SEMA3D: variants seen among roughly 807,000 people sequenced by gnomAD.
The protein encoded by SEMA3D is semaphorin 3D, also known as semaphorin-3D.
A neutral mutation model predicts 100.1 loss-of-function variants in SEMA3D; 84 were observed. The observed-to-expected ratio is 0.84, with a 90% confidence interval of 0.70 to 1.01. The LOEUF (loss-of-function observed/expected upper bound fraction) is 1.01, where lower values mean the gene tolerates loss of function less well. Among genes scored for constraint, SEMA3D ranks in the 50% least tolerant of loss-of-function variants. The pLI is 0.00. For missense variants in SEMA3D, 875 were observed against 934.1 expected, an observed-to-expected ratio of 0.94 and a Z score of 0.82; for synonymous variants, 312 against 320.7, an observed-to-expected ratio of 0.97 and a Z score of 0.29.
intron 4 of SEMA3D, among the ~76,000 whole-genome samples, chr7:85,087,527 T>G (rs1180064203): frequency 1.3e-5 from 2 of 152,230 alleles, no homozygotes; most frequent in East Asian, 3.8e-4. Context: ...GTATAGCTAG[T>G]AATTGAACAA....
At chr7:85,098,008 A>G (rs1788619126) in intron 3 of SEMA3D, 43 bp from the exon 4 acceptor site, 1 of 1,126,288 alleles carries the variant, frequency 8.9e-7, no homozygotes, top group African/African-American at 1.6e-5. Context: ...AAGAAAAAAG[A>G]AAGAAAGAAA....
chr7:85,065,478 T>A lies in SEMA3D; in HGVS notation c.664A>T (p.Thr222Ser). 6.2e-7 allele frequency: 1 copy of A among 1,612,956 alleles called. No individual in the cohort carries two copies. The highest frequency in any genetic ancestry group is 8.5e-7 in the Non-Finnish European group (1 of 1,179,204). ...GTTCTGATGTAGTGGTGGTCATGAG[T>A]AGGCCCAAGGGATCGAGTGAATGCA... is the stretch of plus-strand genomic sequence containing the variant. Reference protein sequence around the residue: ...DTAFTRSLGPTHDHHYIRTDI... With the variant: ...DTAFTRSLGPSHDHHYIRTDI... The change falls in exon 8 of 19, where the codon ACT becomes TCT. Residue 222 changes from threonine to serine, a missense_variant. Coordinates refer to ENST00000284136, the MANE Select transcript of SEMA3D (RefSeq NM_001384900.1).
intron 4 of SEMA3D, among the ~76,000 whole-genome samples, chr7:85,086,662 GTA>G (rs1788226263): frequency 1.3e-5 from 2 of 148,308 alleles, no homozygotes; most frequent in African/African-American, 2.6e-5. Flanking sequence ...GTGTGTGTGT[GTA>G]TAGATGCATG....
At chr7:85,137,887 TC>T (rs1789911812) in intron 2 of SEMA3D, among the ~76,000 whole-genome samples, 2 of 152,114 alleles carry the variant, frequency 1.3e-5, no homozygotes, top group South Asian at 4.1e-4. Flanking sequence ...TCCAACCTTA[TC>T]CAAAAAACAT....
At chr7:85,017,661 G>C (rs1036505403) in intron 15 of SEMA3D, among the ~76,000 whole-genome samples, 1 of 151,634 alleles carries the variant, frequency 6.6e-6, no homozygotes, top group African/African-American at 2.4e-5. Context: ...TCATATCAGA[G>C]AGTTATGAAA....
Position 84,999,453 on chromosome 7 carries a change from G to C in SEMA3D, c.2321C>G (p.Ala774Gly). The C allele has an allele frequency of 6.2e-7, 1 of 1,613,768 alleles. No homozygotes were observed. The highest frequency in any genetic ancestry group is 2.2e-5 in the East Asian group (1 of 44,854). The change falls in exon 19 of 19, where the codon GCT becomes GGT. Residue 774 changes from alanine to glycine, a missense_variant. By Grantham distance (60) the Ala-to-Gly change is moderately conservative. Transcript: ENST00000284136. ...TTAAGTAGAAAACTACGTGGCTACA[G>C]CTCTAGGGAGCTCATCCAGGTCTCT... ...HHRDLDELPR[A>G]VAT
intron 1 of SEMA3D, chr7:85,163,043 A>C (rs1173254759): frequency 1.1e-6 from 1 of 892,840 alleles, no homozygotes; most frequent in Admixed American, 6.2e-5. Context: ...GTAAGAATAT[A>C]AAAGAAGTAT....
intron 9 of SEMA3D, among the ~76,000 whole-genome samples, chr7:85,048,538 G>T (rs1182413758): frequency 6.6e-6 from 1 of 151,776 alleles, no homozygotes; most frequent in Admixed American, 6.6e-5. Flanking sequence ...GATCTTAAAT[G>T]AGTATGTTTT....
the SEMA3D span, among the ~76,000 whole-genome samples, chr7:85,232,092 T>C: frequency 1.3e-5 from 2 of 152,218 alleles, no homozygotes; most frequent in East Asian, 3.9e-4. Flanking sequence ...TATAGGAATA[T>C]GATCTGGAGG....
chr7:85,125,959 A>G (rs1238972820), intron 2 of SEMA3D, among the ~76,000 whole-genome samples: 3 of 152,074 alleles, frequency 2.0e-5, no homozygotes, highest in South Asian at 2.1e-4. Context: ...TTAACTGCAT[A>G]TAATCTATTC....
chr7:85,008,241 G>A (rs1584519800), intron 17 of SEMA3D, among the ~76,000 whole-genome samples: 1 of 151,816 alleles, frequency 6.6e-6, no homozygotes. Context: ...TGGGATATGG[G>A]GCAAGGGTTC....
intron 5 of SEMA3D, among the ~76,000 whole-genome samples, chr7:85,079,833 A>G (rs1213968601): frequency 6.6e-6 from 1 of 152,218 alleles, no homozygotes; most frequent in Non-Finnish European, 1.5e-5. Context: ...ATTAAATGAC[A>G]TAATTTGAAA....
Position 84,999,303 on chromosome 7 carries a change from T to G in SEMA3D, c.*137A>C. ...TGCCCTTTCTTATATTCATCACATA[T>G]TGTCTTATTCAGATTATTGTCTTGT... is the stretch of plus-strand genomic sequence containing the variant. On this transcript the variant is annotated 3_prime_UTR_variant, in exon 19 of 19. Transcript: ENST00000284136. 1.4e-6 allele frequency: 1 copy of G among 701,510 alleles called. No homozygotes were observed. The highest frequency in any genetic ancestry group is 2.1e-5 in the South Asian group (1 of 48,276). 43.5% of individuals were successfully genotyped at this position (701,510 alleles called of 1,614,324 possible). A position where few individuals can be genotyped will look rare whatever the true frequency, so the allele number is the denominator to read the frequency against.
At chr7:85,120,981 A>G (rs1385519459) in intron 3 of SEMA3D, among the ~76,000 whole-genome samples, 1 of 152,132 alleles carries the variant, frequency 6.6e-6, no homozygotes, top group Non-Finnish European at 1.5e-5. Context: ...TCGTTTGTCT[A>G]TAAAATGTGA....
At chr7:85,235,328 G>A in the SEMA3D span, among the ~76,000 whole-genome samples, 2 of 152,018 alleles carry the variant, frequency 1.3e-5, no homozygotes, top group Middle Eastern at 3.2e-3. Flanking sequence ...GTATGTTGTC[G>A]GGGGTATTTA....
intron 3 of SEMA3D, among the ~76,000 whole-genome samples, chr7:85,103,197 C>T (rs2116334434): frequency 6.6e-6 from 1 of 151,692 alleles, no homozygotes; most frequent in Middle Eastern, 3.4e-3. Flanking sequence ...GATTATCAAC[C>T]AAAACAGAAA....
chr7:85,248,864 T>C, the SEMA3D span, among the ~76,000 whole-genome samples: 1 of 152,168 alleles, frequency 6.6e-6, no homozygotes, highest in African/African-American at 2.4e-5. Context: ...AGATGATTTT[T>C]AGAGGAGTAA....
At chr7:85,041,976 A>G (rs1272791759) in intron 10 of SEMA3D, 195 bp downstream of exon 10, 1 of 551,506 alleles carries the variant, frequency 1.8e-6, no homozygotes, top group Non-Finnish European at 3.2e-6. Context: ...CAAAGAGAAG[A>G]GTTACTGCAT....
intron 7 of SEMA3D, among the ~76,000 whole-genome samples, chr7:85,066,993 T>A (rs1187904350): frequency 6.6e-6 from 1 of 151,498 alleles, no homozygotes; most frequent in Non-Finnish European, 1.5e-5. Flanking sequence ...GCTTCCATCC[T>A]CTTAGAGTAT....
Sources: allele counts gnomAD v4.1 joint callset (sites outside exome capture counted in the v4.1 genomes callset), GRCh38; gene constraint gnomAD v4.1.1; transcripts MANE v1.5; gene names NCBI Gene and HGNC (gene_info 2026-07-23, HGNC 2026-07-21).